CDK14: variants seen among roughly 807,000 people sequenced by gnomAD.
CDK14 encodes the protein cyclin dependent kinase 14, also known as cyclin-dependent kinase 14.
A neutral mutation model predicts 60.7 loss-of-function variants in CDK14; 34 were observed. The ratio of observed to expected loss-of-function variants is 0.56; its 90% CI spans 0.43 to 0.75. The LOEUF is 0.75. CDK14 is among the 30% of genes least tolerant of loss of function. The probability of loss-of-function intolerance (pLI) is 0.00; values close to 1 mark genes in which losing one functional copy is unlikely to be tolerated. For synonymous variants in CDK14, 197 were observed against 203.7 expected (o/e 0.97, Z 0.28); for missense variants, 482 against 564.1 (o/e 0.85, Z 1.47).
At chr7:91,176,852 G>A (rs1801779869) in intron 14 of CDK14, among the ~76,000 whole-genome samples, 1 of 152,070 alleles carries the variant, frequency 6.6e-6, no homozygotes, top group Non-Finnish European at 1.5e-5. Flanking sequence ...AGGACCAGAT[G>A]GATTCACAGC....
At chr7:90,619,300 G>A (rs964547779) in intron 2 of CDK14, among the ~76,000 whole-genome samples, 1 of 152,140 alleles carries the variant, frequency 6.6e-6, no homozygotes, top group Non-Finnish European at 1.5e-5. Flanking sequence ...GTGCTTTTAA[G>A]CCCATTTCAA....
Position 90,989,055 on chromosome 7 carries a change from A to G in CDK14, c.1041+4814A>G, listed in dbSNP as rs372378789. Among the ~76,000 whole-genome samples the G allele has an allele frequency of 7.9e-5, 12 of 151,724 alleles. No individual in the cohort carries two copies. In the East Asian group the frequency reaches 1.9e-3, roughly 25 times the overall value. On this transcript the variant is annotated intron_variant, in intron 10 of 14. Coordinates refer to ENST00000380050, the MANE Select transcript of CDK14 (RefSeq NM_001287135.2). The stretch of plus-strand genomic sequence containing the variant: ...TGAGCCACATGCAACTTTGAAAGCT[A>G]CTATAGTACTCAGTCTGGCTTTTGA...
At chr7:90,671,085 G>A (rs958924900) in intron 2 of CDK14, among the ~76,000 whole-genome samples, 16 of 152,126 alleles carry the variant, frequency 1.1e-4, no homozygotes, top group African/African-American at 3.4e-4. Flanking sequence ...TAAGTTTGGT[G>A]CCCCGGCTCT....
chr7:91,135,485 G>C (rs559788708), intron 14 of CDK14, among the ~76,000 whole-genome samples: 1 of 152,148 alleles, frequency 6.6e-6, no homozygotes, highest in African/African-American at 2.4e-5. Flanking sequence ...GGGTGAGCCC[G>C]ACAGAGAAAA....
chr7:90,872,656 A>G lies in CDK14; in HGVS notation c.639+9387A>G, dbSNP rs554261204. ...TATCATGTTGGGTACTGAGATATCAATTTTTTTCCTGTTTACATCATATCT... is the reference window on the plus strand; with the variant it reads ...TATCATGTTGGGTACTGAGATATCAGTTTTTTTCCTGTTTACATCATATCT... On this transcript the variant is annotated intron_variant, in intron 6 of 14. Coordinates refer to ENST00000380050, the MANE Select transcript of CDK14 (RefSeq NM_001287135.2). 4.6e-5 allele frequency among the ~76,000 whole-genome samples: 7 copies of G among 151,672 alleles called. No homozygotes were observed. The South Asian group carries it at 1.3e-3, about 27-fold the overall frequency.
At chr7:90,616,873 CAT>C (rs141437025) in intron 2 of CDK14, among the ~76,000 whole-genome samples, 4 of 151,022 alleles carry the variant, frequency 2.6e-5, no homozygotes, top group Admixed American at 2.6e-4. Context: ...TCATCATCAT[CAT>C]ATATATATAT....
At chr7:90,686,015 C>T (rs1801426972) in intron 2 of CDK14, among the ~76,000 whole-genome samples, 1 of 151,940 alleles carries the variant, frequency 6.6e-6, no homozygotes, top group South Asian at 2.1e-4. Context: ...CTGTTTTATT[C>T]TACATATTGA....
chr7:91,077,648 G>A (rs539026658), intron 11 of CDK14, among the ~76,000 whole-genome samples: 4 of 151,340 alleles, frequency 2.6e-5, no homozygotes, highest in African/African-American at 7.3e-5. Flanking sequence ...ATCCTGGAAC[G>A]TAAAGTAAAG....
intron 8 of CDK14, among the ~76,000 whole-genome samples, chr7:90,927,413 T>A (rs189169331): frequency 6.6e-6 from 1 of 152,180 alleles, no homozygotes; most frequent in Non-Finnish European, 1.5e-5. Flanking sequence ...GATGCTCTTA[T>A]CACCCCTGTT....
intron 2 of CDK14, among the ~76,000 whole-genome samples, chr7:90,647,718 C>CAGTA (rs2116461847): frequency 6.6e-6 from 1 of 152,200 alleles, no homozygotes; most frequent in Non-Finnish European, 1.5e-5. Context: ...AAGCCAGGTG[C>CAGTA]AGTAGCTCAT....
intron 4 of CDK14, among the ~76,000 whole-genome samples, chr7:90,780,727 T>TG (rs1385731693): frequency 6.6e-6 from 1 of 152,112 alleles, no homozygotes; most frequent in African/African-American, 2.4e-5. Flanking sequence ...ACAAAGAACA[T>TG]GAACTCATCA....
intron 4 of CDK14, among the ~76,000 whole-genome samples, chr7:90,771,819 G>A (rs113715593): frequency 6.6e-6 from 1 of 152,276 alleles, no homozygotes; most frequent in East Asian, 1.9e-4. Flanking sequence ...ATAGTTTGGT[G>A]TTCAGACTTC....
At chr7:90,805,438 A>G (rs1383588053) in intron 5 of CDK14, among the ~76,000 whole-genome samples, 2 of 13,408 alleles carry the variant, frequency 1.5e-4, no homozygotes, top group Non-Finnish European at 2.9e-4. Context: ...TTTTCTCAAC[A>G]CACACACACA....
intron 4 of CDK14, among the ~76,000 whole-genome samples, chr7:90,750,186 A>G (rs1163302535): frequency 1.3e-5 from 2 of 151,544 alleles, no homozygotes; most frequent in Non-Finnish European, 1.5e-5. Flanking sequence ...ACACACACAC[A>G]CACACACACA....
chr7:90,897,125 A>G (rs902825382), intron 6 of CDK14, among the ~76,000 whole-genome samples: 1 of 152,052 alleles, frequency 6.6e-6, no homozygotes, highest in African/African-American at 2.4e-5. Context: ...AATGTATCCT[A>G]TTGTTAGGTG....
At position 91,207,603 on chromosome 7, in the gene CDK14, G is replaced by T. The variant is rs1189714410; in HGVS notation, c.*467G>T. On this transcript the variant is annotated 3_prime_UTR_variant, in exon 15 of 15. Coordinates refer to ENST00000380050, the MANE Select transcript of CDK14 (RefSeq NM_001287135.2). ...ACAATGTGTGTTTTCTTTGAGAGCA[G>T]TGCACATTTTGCAACCACTAGGAAG... 6.6e-6 allele frequency: 1 copy of T among 152,664 alleles called. No individual in the cohort carries two copies. Among genetic ancestry groups the T allele is most frequent in the Non-Finnish European group, 1.5e-5 (1 of 68,048 alleles). 9.5% of individuals were successfully genotyped at this position (152,664 alleles called of 1,614,324 possible).
intron 5 of CDK14, among the ~76,000 whole-genome samples, chr7:90,811,558 C>T (rs1789113232): frequency 6.6e-6 from 1 of 151,950 alleles, no homozygotes; most frequent in East Asian, 1.9e-4. Flanking sequence ...TAGGCATGGG[C>T]AAGGACTTCA....
chr7:90,833,245 A>T (rs779402171), intron 5 of CDK14, among the ~76,000 whole-genome samples: 1 of 152,202 alleles, frequency 6.6e-6, no homozygotes, highest in African/African-American at 2.4e-5. Flanking sequence ...TTGTGAAACC[A>T]TTAGTCACAC....
chr7:90,777,682 T>G (rs113905262), intron 4 of CDK14, among the ~76,000 whole-genome samples: 1 of 152,176 alleles, frequency 6.6e-6, no homozygotes, highest in Non-Finnish European at 1.5e-5. Context: ...CTTTGCCTAG[T>G]GCACATAGGG....
Sources: gnomAD v4.1 joint callset for allele counts (sites outside exome capture counted in the v4.1 genomes callset) on GRCh38, gnomAD v4.1.1 for gene constraint, MANE v1.5 for transcripts, NCBI Gene and HGNC (gene_info 2026-07-23, HGNC 2026-07-21) for gene names.